AKAP3: variants seen among roughly 807,000 people sequenced by gnomAD.
The protein encoded by AKAP3 is A-kinase anchor protein 3.
A neutral mutation model predicts 57.2 loss-of-function variants in AKAP3; 27 were observed. The ratio of observed to expected loss-of-function variants is 0.47; its 90% CI spans 0.35 to 0.65. The LOEUF (loss-of-function observed/expected upper bound fraction) is 0.65. Among genes scored for constraint, AKAP3 ranks in the 30% least tolerant of loss-of-function variants. The pLI is 0.01. For missense variants in AKAP3, 959 were observed against 1,040.0 expected, an observed-to-expected ratio of 0.92 and a Z score of 1.07; for synonymous variants, 334 against 392.3, an observed-to-expected ratio of 0.85 and a Z score of 1.76.
intron 4 of AKAP3, among the ~76,000 whole-genome samples, chr12:4,630,827 G>A (rs927931828): frequency 3.3e-5 from 5 of 152,178 alleles, no homozygotes; most frequent in African/African-American, 1.2e-4. Context: ...CCAATGGCAC[G>A]TTCACTTCAA....
intron 2 of AKAP3, 48 bp from the exon 3 acceptor site, chr12:4,642,052 C>A (rs898969127): frequency 3.3e-5 from 5 of 152,098 alleles, no homozygotes; most frequent in Non-Finnish European, 7.3e-5. Context: ...ACAGATGGAA[C>A]GTATTGCTCT....
intron 3 of AKAP3, among the ~76,000 whole-genome samples, chr12:4,640,812 T>C (rs1296862489): frequency 1.3e-5 from 2 of 152,182 alleles, no homozygotes; most frequent in African/African-American, 2.4e-5. Flanking sequence ...CCAAGAGAAC[T>C]GTGTAAAGAT....
chr12:4,626,872 A>T lies in AKAP3; in HGVS notation c.2030T>A (p.Val677Glu). 2 of 1,612,464 alleles carry T rather than the reference A, an allele frequency of 1.2e-6. No homozygotes were observed. The highest frequency in any genetic ancestry group is 1.7e-6 in the Non-Finnish European group (2 of 1,179,638). ...AGCAATGATGACACACAGCTTCATC[A>T]CTGAGTTCATCAGATGTTCTACCAT... Reference protein sequence around the residue: ...GQMVEHLMNSVMKLCVIIAKS... With the variant: ...GQMVEHLMNSEMKLCVIIAKS... The change falls in exon 5 of 6, where the codon GTG (valine) becomes GAG (glutamate). Residue 677 changes from valine to glutamate, a missense_variant. By Grantham distance (121) the Val-to-Glu change is moderately radical (BLOSUM62 -2). Transcript: ENST00000228850.
At chr12:4,636,454 CT>C (rs1945567040) in intron 4 of AKAP3, among the ~76,000 whole-genome samples, 1 of 152,238 alleles carries the variant, frequency 6.6e-6, no homozygotes, top group African/African-American at 2.4e-5. Context: ...TGTTATATAC[CT>C]TTTTGTTTCT....
At chr12:4,642,693 G>A (rs893418526) in intron 2 of AKAP3, among the ~76,000 whole-genome samples, 5 of 152,230 alleles carry the variant, frequency 3.3e-5, no homozygotes, top group Admixed American at 1.3e-4. Flanking sequence ...TTGTTTCAAT[G>A]TGTACATTCT....
chr12:4,617,826 A>C (rs901053769), intron 5 of AKAP3, among the ~76,000 whole-genome samples: 3 of 152,132 alleles, frequency 2.0e-5, no homozygotes, highest in Admixed American at 1.3e-4. Context: ...TATGTAGATT[A>C]AATACATAAA....
Position 4,626,992 on chromosome 12 carries a change from G to A in AKAP3, c.1910C>T (p.Pro637Leu), listed in dbSNP as rs758083290. Residue 637 changes from proline to leucine, a missense_variant, in exon 5 of 6, where the codon CCC (proline) becomes CTC (leucine). By Grantham distance (98) the Pro-to-Leu change is moderately conservative. Transcript: ENST00000228850. ...CTCATCATCCTCATATAGCCTGGGG[G>A]GAGAAGACGCCAACGGTCTTTCACA... ...KLCERPLASS[P>L]PRLYEDDETP... 13 of 1,614,124 alleles carry A rather than the reference G, an allele frequency of 8.1e-6. No individual in the cohort carries two copies. The highest frequency in any genetic ancestry group is 1.7e-4 in the Middle Eastern group (1 of 6,060).
chr12:4,639,167 T>C (rs188115237), intron 3 of AKAP3, among the ~76,000 whole-genome samples: 2 of 152,216 alleles, frequency 1.3e-5, no homozygotes, highest in Non-Finnish European at 2.9e-5. Flanking sequence ...CACCGAATCT[T>C]ACTTGCTAGT....
chr12:4,623,670 C>T (rs1945371417), intron 5 of AKAP3, among the ~76,000 whole-genome samples: 1 of 151,402 alleles, frequency 6.6e-6, no homozygotes, highest in South Asian at 2.1e-4. Flanking sequence ...ACCTGGGTGA[C>T]AAAATAAGCT....
In AKAP3 at chr12:4,628,112, C is replaced by T; in HGVS notation, c.790G>A (p.Glu264Lys). The T allele has an allele frequency of 6.2e-7, 1 of 1,614,134 alleles. No homozygotes were observed. ...TCCTGCCCTCGAAACCTCTTTCTCT[C>T]CCGAGGAAAGAACCTTCCACCCTCT... ...AREGGRFFPR[E>K]RKRFRGQERP... Residue 264 changes from glutamate (E) to lysine (K), a missense_variant, in exon 5 of 6, where the codon GAG becomes AAG. Transcript: ENST00000228850.
Position 4,635,934 on chromosome 12 carries a change from A to T in AKAP3, c.96+2167T>A, listed in dbSNP as rs1945560035. Reference sequence around the variant, plus strand: ...CTTCACTTCCATCACCAACACTAGCAGTTGGTTTTCTTTTTGGGCCCATAT... The same window carrying T: ...CTTCACTTCCATCACCAACACTAGCTGTTGGTTTTCTTTTTGGGCCCATAT... On this transcript the variant is annotated intron_variant, in intron 4 of 5. Coordinates refer to ENST00000228850, the MANE Select transcript of AKAP3 (RefSeq NM_001278309.2). The T allele has an allele frequency of 1.2e-5, 10 of 830,198 alleles. No individual in the cohort carries two copies. The South Asian group carries it at 1.2e-4, about 10-fold the overall frequency. 51.4% of individuals were successfully genotyped at this position (830,198 alleles called of 1,614,324 possible).
At chr12:4,642,699 A>G (rs1223162730) in intron 2 of AKAP3, among the ~76,000 whole-genome samples, 1 of 152,124 alleles carries the variant, frequency 6.6e-6, no homozygotes. Flanking sequence ...CAATGTGTAC[A>G]TTCTATCTAG....
Position 4,628,587 on chromosome 12 carries a change from C to T in AKAP3, c.315G>A (p.Glu105=), listed in dbSNP as rs1409954468. The change falls in exon 5 of 6, where the codon GAG becomes GAA. Residue 105 remains glutamate, a synonymous_variant. Transcript: ENST00000228850. ...ERLHFEMTHK[E]IPCQGPRAQL... is the part of the protein sequence containing the mutation. ...GGGCCCTGGGGCCCTGGCAAGGAAT[C>T]TCTTTGTGAGTCATCTCAAAATGCA... 3 of 1,614,084 alleles carry T rather than the reference C, an allele frequency of 1.9e-6. No individual in the cohort carries two copies. In the African/African-American group the frequency reaches 4.0e-5, roughly 22 times the overall value.
At chr12:4,644,475 C>G (rs1383165916) in intron 2 of AKAP3, among the ~76,000 whole-genome samples, 1 of 152,216 alleles carries the variant, frequency 6.6e-6, no homozygotes, top group African/African-American at 2.4e-5. Flanking sequence ...TAAGGCCCCT[C>G]ATGTCTCCAA....
intron 5 of AKAP3, among the ~76,000 whole-genome samples, chr12:4,621,786 A>G (rs1374960477): frequency 6.6e-6 from 1 of 152,208 alleles, no homozygotes; most frequent in Non-Finnish European, 1.5e-5. Flanking sequence ...TTTTGCTAAT[A>G]TCGTAAAGTG....
chr12:4,637,891 G>C (rs1945586195), intron 4 of AKAP3, among the ~76,000 whole-genome samples: 1 of 152,024 alleles, frequency 6.6e-6, no homozygotes, highest in Non-Finnish European at 1.5e-5. Flanking sequence ...TATTTCATTA[G>C]TTATAGCATA....
chr12:4,647,728 G>A (rs1945716167), intron 1 of AKAP3: 1 of 152,154 alleles, frequency 6.6e-6, no homozygotes, highest in Non-Finnish European at 1.5e-5. Context: ...AGCAAATTGT[G>A]TTAAGTGAAC....
In AKAP3 at chr12:4,626,804, A is replaced by ACTTGTCATCTCCCAG. The variant is rs527978551; in HGVS notation, c.2083_2097dup (p.Leu695_Lys699dup). The ACTTGTCATCTCCCAG allele has an allele frequency of 4.9e-6, 6 of 1,222,178 alleles. No homozygotes were observed. Among genetic ancestry groups the ACTTGTCATCTCCCAG allele is most frequent in the East Asian group, 3.2e-5 (1 of 31,138 alleles). The allele number at this position is 1,222,178 out of a possible 1,614,324, so 75.7% of individuals were successfully genotyped here. On this transcript the variant is annotated inframe_insertion, in exon 5 of 6. Transcript: ENST00000228850. ...GAAGTTAGCCTACTGGCATCTCCAG[A>ACTTGTCATCTCCCAG]CTTGTCATCTCCCAGCTCTGCCAAC...
At chr12:4,639,746 G>A (rs1479328731) in intron 3 of AKAP3, among the ~76,000 whole-genome samples, 2 of 151,954 alleles carry the variant, frequency 1.3e-5, no homozygotes, top group East Asian at 3.9e-4. Context: ...TCACTACAAA[G>A]GACATGAACT....
Sources: gnomAD v4.1 joint callset for allele counts (sites outside exome capture counted in the v4.1 genomes callset) on GRCh38, gnomAD v4.1.1 for gene constraint, MANE v1.5 for transcripts, NCBI Gene and HGNC (gene_info 2026-07-23, HGNC 2026-07-21) for gene names.